ERFE: variants seen among roughly 807,000 people sequenced by gnomAD.
ERFE encodes the protein complement C1q tumor necrosis factor-related protein 15.
A neutral mutation model predicts 26.6 loss-of-function variants in ERFE; 25 were observed. The observed-to-expected ratio is 0.94, with a 90% CI of 0.69 to 1.31. The LOEUF is 1.31. ERFE is among the 40% of genes most tolerant of loss of function. The pLI, the probability that ERFE is intolerant of heterozygous loss-of-function variation, is 0.00. For synonymous variants in ERFE, 206 were observed against 204.5 expected (o/e 1.01, Z -0.06); for missense variants, 447 against 440.2 (o/e 1.02, Z -0.14).
rs138627342 is a variant in ERFE at position 238,167,248 on chromosome 2, C to T, written c.*194C>T. ...GACGTGACACGCACGCTGGTGGTCCCGGAGCCAGGGTTGATTCAGGACACC... is the reference window on the plus strand; with the variant it reads ...GACGTGACACGCACGCTGGTGGTCCTGGAGCCAGGGTTGATTCAGGACACC... On this transcript the variant is annotated 3_prime_UTR_variant, in exon 8 of 8. Transcript: ENST00000546354. The T allele has an allele frequency of 8.1e-5, 58 of 716,356 alleles. 1 individual carries two copies. The highest frequency in any genetic ancestry group is 1.8e-4 in the Admixed American group (9 of 49,990). The allele number at this position is 716,356 out of a possible 1,614,324, so 44.4% of individuals were successfully genotyped here.
chr2:238,163,145 C>T (rs919232765), intron 3 of ERFE, among the ~76,000 whole-genome samples: 2 of 152,198 alleles, frequency 1.3e-5, no homozygotes, highest in Non-Finnish European at 2.9e-5. Flanking sequence ...GCGCCTATGC[C>T]CTGCCTGGAA....
chr2:238,159,607 A>G (rs1692908176), intron 1 of ERFE, among the ~76,000 whole-genome samples: 1 of 152,188 alleles, frequency 6.6e-6, no homozygotes, highest in South Asian at 2.1e-4. Context: ...GGAAAACAAA[A>G]AGTGTTTTCC....
chr2:238,158,981 C>A lies in ERFE; in HGVS notation c.-27C>A. On this transcript the variant is annotated 5_prime_UTR_variant, in exon 1 of 8. Transcript: ENST00000546354. ...CCCGGGGCGTCCGAGACGCCGCGCT[C>A]GGAGCCGCGAGGGAACCGCCGCCCG... The A allele has an allele frequency of 4.0e-6, 1 of 247,432 alleles. No homozygotes were observed. The highest frequency in any genetic ancestry group is 1.5e-4 in the South Asian group (1 of 6,478). The allele number at this position is 247,432 out of a possible 1,614,324, so 15.3% of individuals were successfully genotyped here.
chr2:238,166,248 A>G (rs1693033889), intron 7 of ERFE, among the ~76,000 whole-genome samples: 1 of 152,234 alleles, frequency 6.6e-6, no homozygotes, highest in African/African-American at 2.4e-5. Flanking sequence ...CTGCTATTGA[A>G]TTCTCCCAGA....
intron 7 of ERFE, 51 bp from the exon 8 acceptor site, chr2:238,166,905 C>A: frequency 6.7e-7 from 1 of 1,485,550 alleles, no homozygotes; most frequent in Non-Finnish European, 9.2e-7. Context: ...CTTGGGTCAC[C>A]TCTGCAGGCT....
At position 238,167,339 on chromosome 2, in the gene ERFE, G is replaced by A; in HGVS notation, c.*285G>A. ...TGGGGGCACCTGCTAGTCTCCAGCT[G>A]CAGGCCGACTCTTTCCTGGCCTGCT... On this transcript the variant is annotated 3_prime_UTR_variant, in exon 8 of 8. Coordinates refer to ENST00000546354, the MANE Select transcript of ERFE (RefSeq NM_001291832.2). 1 of 656,624 alleles carries A rather than the reference G, an allele frequency of 1.5e-6. No homozygotes were observed. The highest frequency in any genetic ancestry group is 2.8e-6 in the Non-Finnish European group (1 of 355,696). The allele number at this position is 656,624 out of a possible 1,614,324, so 40.7% of individuals were successfully genotyped here.
intron 7 of ERFE, among the ~76,000 whole-genome samples, chr2:238,166,496 C>T (rs1693037363): frequency 6.6e-6 from 1 of 152,218 alleles, no homozygotes; most frequent in South Asian, 2.1e-4. Flanking sequence ...TCTGGGAGTT[C>T]CCAGGGAATG....
rs752216259 is a variant in ERFE, at chr2:238,161,601, C to G, written c.206C>G (p.Thr69Ser). 2.6e-6 allele frequency: 4 copies of G among 1,531,888 alleles called. No individual in the cohort carries two copies. The South Asian group carries it at 3.6e-5, about 14-fold the overall frequency. 94.9% of individuals were successfully genotyped at this position (1,531,888 alleles called of 1,614,324 possible). A position where few individuals can be genotyped will look rare whatever the true frequency, so the allele number is the denominator to read the frequency against. ...GGGCTGGCTGTGTTCCAGGAGCCCACCGCTGAGCGTGCACACAGCGTCGAC... is the reference window on the plus strand; with the variant it reads ...GGGCTGGCTGTGTTCCAGGAGCCCAGCGCTGAGCGTGCACACAGCGTCGAC... The part of the protein sequence containing the change: ...AGPAARPPEP[T>S]AERAHSVDPR... The change falls in exon 2 of 8, where the codon ACC becomes AGC. Residue 69 changes from threonine (T) to serine (S), a missense_variant. Transcript: ENST00000546354.
chr2:238,166,881 G>A (rs1242000107), intron 7 of ERFE, 75 bp from the exon 8 acceptor site: 14 of 1,241,058 alleles, frequency 1.1e-5, no homozygotes, highest in Non-Finnish European at 1.5e-5. Context: ...AGGAGGGAGT[G>A]TGGCTGGCTG....
chr2:238,163,768 C>A lies in ERFE; in HGVS notation c.456C>A (p.Pro152=). 7.3e-7 allele frequency: 1 copy of A among 1,366,554 alleles called. No individual in the cohort carries two copies. The highest frequency in any genetic ancestry group is 9.4e-7 in the Non-Finnish European group (1 of 1,064,388). The allele number at this position is 1,366,554 out of a possible 1,614,324, so 84.7% of individuals were successfully genotyped here. The change falls in exon 4 of 8, where the codon CCC becomes CCA. Residue 152 remains proline, a synonymous_variant. Transcript: ENST00000546354. ...GAVRQRERAE[P]EPCTCGPAGP... ...TGCGGCAGCGGGAGCGCGCGGAGCC[C>A]GAACCCTGTACGTGTGGCCCCGCCG...
Position 238,168,587 on chromosome 2 carries a change from AAC to A in ERFE, c.*1539_*1540del, listed in dbSNP as rs1286904973. ...AAACATCTCCATCCCCAAGTGCAGTAACACACAAAAACCAAACACTCTGCCCT... is the reference window on the plus strand; with the variant it reads ...AAACATCTCCATCCCCAAGTGCAGTAACACAAAAACCAAACACTCTGCCCT... On this transcript the variant is annotated 3_prime_UTR_variant, in exon 8 of 8. Coordinates refer to ENST00000546354, the MANE Select transcript of ERFE (RefSeq NM_001291832.2). 16 of 398,800 alleles carry A rather than the reference AAC, an allele frequency of 4.0e-5. No homozygotes were observed. Among genetic ancestry groups the A allele is most frequent in the South Asian group, 2.7e-4 (14 of 52,474 alleles). 24.7% of individuals were successfully genotyped at this position (398,800 alleles called of 1,614,324 possible). A position where few individuals can be genotyped will look rare whatever the true frequency, so the allele number is the denominator to read the frequency against.
chr2:238,163,413 C>T (rs1270888314), intron 3 of ERFE, among the ~76,000 whole-genome samples: 2 of 152,254 alleles, frequency 1.3e-5, no homozygotes, highest in African/African-American at 2.4e-5. Context: ...GCTGAAGAAC[C>T]TCCTTGTACT....
rs775583831 is a variant in ERFE, at chr2:238,163,978, C to T, written c.666C>T (p.His222=). The change falls in exon 4 of 8, where the codon CAC becomes CAT. Residue 222 remains histidine (H), a synonymous_variant. Coordinates refer to ENST00000546354, the MANE Select transcript of ERFE (RefSeq NM_001291832.2). The part of the protein sequence containing the change: ...RDALVERRAL[H]ELGVYYLPDA... ...CGTTGGTGGAGCGGCGCGCGCTGCA[C>T]GAGCTTGGCGTCTACTACCTGGTGA... 88 of 1,385,950 alleles carry T rather than the reference C, an allele frequency of 6.3e-5. 3 individuals are homozygous for T. The South Asian group carries it at 1.4e-3, about 22-fold the overall frequency. The allele number at this position is 1,385,950 out of a possible 1,614,324, so 85.9% of individuals were successfully genotyped here.
At chr2:238,164,587 G>T (rs1423026357) in intron 6 of ERFE, 1 of 543,732 alleles carries the variant, frequency 1.8e-6, no homozygotes, top group East Asian at 3.5e-5. Context: ...GGGCGCGGTG[G>T]CTCACGCCTG....
At chr2:238,160,610 C>T (rs1214124380) in intron 1 of ERFE, among the ~76,000 whole-genome samples, 2 of 152,168 alleles carry the variant, frequency 1.3e-5, no homozygotes, top group African/African-American at 4.8e-5. Context: ...GCACCGCAGC[C>T]CCCATCTTCC....
chr2:238,162,638 C>T, intron 2 of ERFE, 98 bp from the exon 3 acceptor site: 1 of 783,936 alleles, frequency 1.3e-6, no homozygotes, highest in Non-Finnish European at 2.2e-6. Context: ...CACTGGGGAG[C>T]TCTGTTGCCT....
Position 238,167,110 on chromosome 2 carries a change from G to C in ERFE, c.*56G>C, listed in dbSNP as rs750447645. 1 of 1,501,238 alleles carries C rather than the reference G, an allele frequency of 6.7e-7. No homozygotes were observed. The highest frequency in any genetic ancestry group is 2.0e-5 in the Admixed American group (1 of 50,958). 93.0% of individuals were successfully genotyped at this position (1,501,238 alleles called of 1,614,324 possible). A position where few individuals can be genotyped will look rare whatever the true frequency, so the allele number is the denominator to read the frequency against. ...CAAATGGAGCACAGATCTAGACAAT[G>C]TGTGGACAGTGTCAGAGTAGCAGTG... On this transcript the variant is annotated 3_prime_UTR_variant, in exon 8 of 8. Transcript: ENST00000546354.
At chr2:238,164,655 C>A (rs1374262830) in intron 6 of ERFE, 16 of 410,448 alleles carry the variant, frequency 3.9e-5, no homozygotes. Context: ...GAGATCGAGA[C>A]CATCCTGGCT....
chr2:238,166,830 C>T, intron 7 of ERFE, 126 bp from the exon 8 acceptor site: 1 of 777,830 alleles, frequency 1.3e-6, no homozygotes, highest in Non-Finnish European at 2.1e-6. Context: ...CCACATTCTT[C>T]TCTGGGCCTG....
Sources: gnomAD v4.1 joint callset for allele counts (sites outside exome capture counted in the v4.1 genomes callset) on GRCh38, gnomAD v4.1.1 for gene constraint, MANE v1.5 for transcripts, NCBI Gene and HGNC (gene_info 2026-07-23, HGNC 2026-07-21) for gene names.